Variants in ZHX1 observed in about 807,000 individuals in gnomAD.
ZHX1 encodes the protein zinc fingers and homeoboxes 1, also known as zinc fingers and homeoboxes protein 1.
In ZHX1, 20 loss-of-function variants were observed where a neutral mutation model predicts 61.8. The ratio of observed to expected loss-of-function variants is 0.32; its 90% CI spans 0.23 to 0.47. ZHX1 has a LOEUF of 0.47. ZHX1 is among the 20% of genes least tolerant of loss of function. ZHX1 has a pLI of 1.00. For missense variants in ZHX1, 800 were observed against 1,034.8 expected, an observed-to-expected ratio of 0.77 and a Z score of 3.11; for synonymous variants, 318 against 352.6, an observed-to-expected ratio of 0.90 and a Z score of 1.10.
chr8:123,250,411 TC>T, intron 3 of ZHX1, 91 bp from the exon 4 acceptor site: 1 of 346,950 alleles, frequency 2.9e-6, no homozygotes, highest in East Asian at 7.8e-5. Context: ...TGAAAATACA[TC>T]TTTTGTATTC....
chr8:123,271,243 A>G (rs1384606477), intron 1 of ZHX1, among the ~76,000 whole-genome samples: 1 of 152,196 alleles, frequency 6.6e-6, no homozygotes, highest in East Asian at 1.9e-4. Context: ...TACTTTTGAA[A>G]CTACGTAGGA....
At position 123,250,245 on chromosome 8, in the gene ZHX1, T is replaced by C. The variant is rs566932289; in HGVS notation, c.*79A>G. ...ATGCCCCAAAACGTTTTCAATGTCA[T>C]CAAAGATTGGGCAAATTCACAGTAA... is the stretch of plus-strand genomic sequence containing the variant. On this transcript the variant is annotated 3_prime_UTR_variant, in exon 4 of 4. Coordinates refer to ENST00000395571, the MANE Select transcript of ZHX1 (RefSeq NM_007222.5). The C allele has an allele frequency of 8.8e-6, 4 of 454,230 alleles. 1 individual carries two copies. The highest frequency in any genetic ancestry group is 4.7e-5 in the South Asian group (3 of 64,134). The allele number at this position is 454,230 out of a possible 1,614,324, so 28.1% of individuals were successfully genotyped here.
At chr8:123,272,659 A>G (rs1826694400) in intron 1 of ZHX1, among the ~76,000 whole-genome samples, 1 of 152,210 alleles carries the variant, frequency 6.6e-6, no homozygotes, top group African/African-American at 2.4e-5. Context: ...GTAGCACCAT[A>G]TAACACAAAT....
intron 2 of ZHX1, among the ~76,000 whole-genome samples, chr8:123,260,173 G>A (rs535944523): frequency 6.6e-6 from 1 of 151,002 alleles, no homozygotes; most frequent in Non-Finnish European, 1.5e-5. Flanking sequence ...AAGAAAAAAA[G>A]AAAGAAAAGA....
rs140840409 is a variant in ZHX1 at position 123,249,181 on chromosome 8, G to C, written c.*1143C>G. ...TGAACATTTCTTCTACGAAGAAAGC[G>C]CATTTTGAAAAATGGTCCTATGGTC... On this transcript the variant is annotated 3_prime_UTR_variant, in exon 4 of 4. Transcript: ENST00000395571. The C allele has an allele frequency of 6.6e-6, 1 of 152,484 alleles. No homozygotes were observed. Among genetic ancestry groups the C allele is most frequent in the Non-Finnish European group, 1.5e-5 (1 of 67,970 alleles). The allele number at this position is 152,484 out of a possible 1,614,324, so 9.4% of individuals were successfully genotyped here. A position where few individuals can be genotyped will look rare whatever the true frequency, so the allele number is the denominator to read the frequency against.
At chr8:123,274,575 G>T (rs891431734), upstream of ZHX1, 1 of 152,260 alleles carries the variant, frequency 6.6e-6, no homozygotes, top group South Asian at 2.1e-4. Context: ...CCCCTAGTCC[G>T]GGGATTGGCG....
chr8:123,272,263 A>G (rs1268411505), intron 1 of ZHX1, among the ~76,000 whole-genome samples: 1 of 152,130 alleles, frequency 6.6e-6, no homozygotes, highest in Non-Finnish European at 1.5e-5. Flanking sequence ...GCGTCTGAAG[A>G]GGTACTTCAA....
intron 1 of ZHX1, among the ~76,000 whole-genome samples, chr8:123,273,371 T>C (rs1826723353): frequency 6.6e-6 from 1 of 152,224 alleles, no homozygotes; most frequent in Non-Finnish European, 1.5e-5. Flanking sequence ...CAGCCTTTTA[T>C]ACCCCTTGAG....
At chr8:123,262,379 T>C (rs1321295054) in intron 2 of ZHX1, among the ~76,000 whole-genome samples, 1 of 152,216 alleles carries the variant, frequency 6.6e-6, no homozygotes, top group Non-Finnish European at 1.5e-5. Flanking sequence ...CATATAATTA[T>C]AATAACTGTG....
chr8:123,254,569 C>T lies in ZHX1; in HGVS notation c.1378G>A (p.Val460Ile). ...SQSVKHETAL[V>I]NPDSFGIRAK... is the part of the protein sequence containing the mutation. ...CGAATGCCAAATGAATCAGGGTTTA[C>T]CAATGCAGTTTCATGTTTGACACTT... The change falls in exon 3 of 4, where the codon GTA becomes ATA. Residue 460 changes from valine to isoleucine, a missense_variant. Val to Ile is a conservative substitution (Grantham distance 29). Transcript: ENST00000395571. The surrounding 1 kb of genome is among the most constrained non-coding windows in gnomAD (Gnocchi z 4.1). 2 of 1,614,144 alleles carry T rather than the reference C, an allele frequency of 1.2e-6. No homozygotes were observed. Among genetic ancestry groups the T allele is most frequent in the Non-Finnish European group, 1.7e-6 (2 of 1,180,006 alleles).
upstream of ZHX1, among the ~76,000 whole-genome samples, chr8:123,274,911 C>T (rs933238151): frequency 6.6e-6 from 1 of 152,162 alleles, no homozygotes; most frequent in African/African-American, 2.4e-5. Flanking sequence ...CCCCGCCCCT[C>T]GGGGGGCTGC....
intron 2 of ZHX1, among the ~76,000 whole-genome samples, chr8:123,266,339 C>T (rs2131218111): frequency 6.6e-6 from 1 of 152,228 alleles, no homozygotes; most frequent in East Asian, 1.9e-4. Flanking sequence ...TCATTATCTT[C>T]CCTATTTATA....
chr8:123,273,226 A>C (rs1431399575), intron 1 of ZHX1, among the ~76,000 whole-genome samples: 1 of 152,174 alleles, frequency 6.6e-6, no homozygotes. Flanking sequence ...AGGAGAGAGG[A>C]CAGGAAAGGT....
At position 123,253,653 on chromosome 8, in the gene ZHX1, C is replaced by A; in HGVS notation, c.2294G>T (p.Arg765Ile). 6.2e-7 allele frequency: 1 copy of A among 1,614,204 alleles called. No individual in the cohort carries two copies. The highest frequency in any genetic ancestry group is 8.5e-7 in the Non-Finnish European group (1 of 1,180,012). Residue 765 changes from arginine to isoleucine, a missense_variant, in exon 3 of 4, where the codon AGA becomes ATA. Coordinates refer to ENST00000395571, the MANE Select transcript of ZHX1 (RefSeq NM_007222.5). ...RPRGRPRGSK[R>I]INNWDRGPSL... ...TGGTCCCCTGTCCCAGTTGTTAATT[C>A]TTTTGCTTCCTCTAGGCCGCCCACG...
At chr8:123,250,501 T>A (rs1358738094) in intron 3 of ZHX1, among the ~76,000 whole-genome samples, 181 bp from the exon 4 acceptor site, 1 of 152,240 alleles carries the variant, frequency 6.6e-6, no homozygotes, top group Non-Finnish European at 1.5e-5. Flanking sequence ...ATGTTCTTCA[T>A]ATGCTAGATT....
In ZHX1 at chr8:123,274,222, G is replaced by GGGGCCGCCGCGCCTCTCAGCGCC. The variant is rs1826766131; in HGVS notation, c.-368_-346dup. On this transcript the variant is annotated 5_prime_UTR_variant, in exon 1 of 4. The change creates a premature stop within an existing upstream ORF in the 5' untranslated region. Coordinates refer to ENST00000395571, the MANE Select transcript of ZHX1 (RefSeq NM_007222.5). ...GAGCCGGCTCGCGCCACTACCTGCAGGGGCCGCCGCGCCTCTCAGCGCCAC... is the reference window on the plus strand; with the variant it reads ...GAGCCGGCTCGCGCCACTACCTGCAGGGGCCGCCGCGCCTCTCAGCGCCGGGCCGCCGCGCCTCTCAGCGCCAC... 1 of 153,550 alleles carries GGGGCCGCCGCGCCTCTCAGCGCC rather than the reference G, an allele frequency of 6.5e-6. No homozygotes were observed. The highest frequency in any genetic ancestry group is 1.4e-5 in the Non-Finnish European group (1 of 69,210). The allele number at this position is 153,550 out of a possible 1,614,324, so 9.5% of individuals were successfully genotyped here.
chr8:123,254,733 T>C lies in ZHX1; in HGVS notation c.1214A>G (p.Asn405Ser), dbSNP rs1826020350. The stretch of plus-strand genomic sequence containing the variant: ...TATAGGTGCTGTAACTGGCAAGGTG[T>C]TTGTTCCAGCCACTTGAGTAAGGAC... ...GLVLTQVAGT[N>S]TLPVTAPIAL... The change falls in exon 3 of 4, where the codon AAC (asparagine) becomes AGC (serine). Residue 405 changes from asparagine (N) to serine (S), a missense_variant. By Grantham distance (46) the Asn-to-Ser change is conservative. Transcript: ENST00000395571. This position sits in a 1 kb window ranked among gnomAD's most constrained non-coding sequence, Gnocchi z 4.1. 1.9e-6 allele frequency: 3 copies of C among 1,614,162 alleles called. No homozygotes were observed. The highest frequency in any genetic ancestry group is 2.5e-6 in the Non-Finnish European group (3 of 1,180,016).
intron 3 of ZHX1, among the ~76,000 whole-genome samples, chr8:123,251,786 C>A (rs1435926359): frequency 1.3e-5 from 2 of 152,142 alleles, no homozygotes; most frequent in Admixed American, 6.5e-5. Flanking sequence ...TGTTTAACTT[C>A]TTATAACCTA....
intron 2 of ZHX1, among the ~76,000 whole-genome samples, chr8:123,259,651 T>C (rs547283833): frequency 6.6e-6 from 1 of 152,338 alleles, no homozygotes; most frequent in African/African-American, 2.4e-5. Context: ...AGGGAATTGT[T>C]GAAAGGCAGA....
Sources: gnomAD v4.1 joint callset for allele counts (sites outside exome capture counted in the v4.1 genomes callset) on GRCh38, gnomAD v4.1.1 for gene constraint, Gnocchi (gnomAD v3.1) non-coding constraint, MANE v1.5 for transcripts, NCBI Gene and HGNC (gene_info 2026-07-23, HGNC 2026-07-21) for gene names.